CDKL3: variants seen among roughly 807,000 people sequenced by gnomAD.
The protein encoded by CDKL3 is cyclin-dependent kinase-like 3.
Under a neutral mutation model 69.3 loss-of-function variants are expected in CDKL3, and 65 were observed. The observed-to-expected ratio is 0.94, with a 90% CI of 0.77 to 1.15. The LOEUF (loss-of-function observed/expected upper bound fraction) is 1.15, where lower values mean the gene tolerates loss of function less well. Ranked by LOEUF, CDKL3 falls within the 50% of genes most tolerant of loss-of-function variation. The pLI, the probability that CDKL3 is intolerant of heterozygous loss-of-function variation, is 0.00. For synonymous variants in CDKL3, 202 were observed against 221.6 expected, an observed-to-expected ratio of 0.91 and a Z score of 0.79; for missense variants, 652 against 689.2, an observed-to-expected ratio of 0.95 and a Z score of 0.61.
intron 5 of CDKL3, among the ~76,000 whole-genome samples, chr5:134,321,005 CTTTT>C (rs1047803739): frequency 8.1e-6 from 1 of 123,576 alleles, no homozygotes; most frequent in Non-Finnish European, 1.7e-5. Flanking sequence ...CAAACATATT[CTTTT>C]TTTTTTTTTT....
chr5:134,363,726 G>A lies in CDKL3; in HGVS notation c.165+2633C>T, dbSNP rs547360233. Among the ~76,000 whole-genome samples, 4 of 152,042 alleles carry A rather than the reference G, an allele frequency of 2.6e-5. No individual in the cohort carries two copies. The South Asian group carries it at 8.3e-4, about 32-fold the overall frequency. On this transcript the variant is annotated intron_variant, in intron 2 of 12. Transcript: ENST00000265334. ...TCCGCCCGCCTCGGCCTCCCAAAGTGCTAGGATTACTGGCGTGAACCACCG... is the reference window on the plus strand; with the variant it reads ...TCCGCCCGCCTCGGCCTCCCAAAGTACTAGGATTACTGGCGTGAACCACCG...
intron 3 of CDKL3, among the ~76,000 whole-genome samples, chr5:134,355,083 T>C (rs944223769): frequency 1.3e-5 from 2 of 148,176 alleles, no homozygotes; most frequent in Admixed American, 6.9e-5. Context: ...GGTGAGACCT[T>C]GGCACTACTA....
At chr5:134,368,021 G>A (rs370876823), upstream of CDKL3, among the ~76,000 whole-genome samples, 5 of 152,148 alleles carry the variant, frequency 3.3e-5, no homozygotes, top group South Asian at 2.1e-4. Context: ...GTAAAAAAGC[G>A]AAATCTCGCT....
At chr5:134,299,586 C>T (rs1765817679) in intron 12 of CDKL3, 4 of 1,345,786 alleles carry the variant, frequency 3.0e-6, no homozygotes, top group Non-Finnish European at 3.9e-6. Flanking sequence ...TTACGATATA[C>T]CTGTAAAATT....
chr5:134,286,039 T>C (rs1764844904), downstream of CDKL3, among the ~76,000 whole-genome samples: 2 of 152,198 alleles, frequency 1.3e-5, no homozygotes, highest in African/African-American at 4.8e-5. Context: ...GGAGAATCAC[T>C]TGAACCCAGT....
At chr5:134,340,091 C>T (rs973651413) in intron 4 of CDKL3, among the ~76,000 whole-genome samples, 27 of 152,022 alleles carry the variant, frequency 1.8e-4, no homozygotes, top group African/African-American at 6.3e-4. Flanking sequence ...GAAGTCAAGG[C>T]TGCAGTGATC....
chr5:134,359,122 C>T (rs1216806645), intron 3 of CDKL3, among the ~76,000 whole-genome samples: 2 of 151,986 alleles, frequency 1.3e-5, no homozygotes, highest in Non-Finnish European at 2.9e-5. Flanking sequence ...CCCATCTCTA[C>T]AAAATATTGG....
chr5:134,303,281 T>C (rs1218104681), intron 11 of CDKL3, among the ~76,000 whole-genome samples: 3 of 152,118 alleles, frequency 2.0e-5, no homozygotes, highest in Admixed American at 2.0e-4. Context: ...TTTGCCATAT[T>C]GGCCAGGGTG....
In CDKL3 at chr5:134,315,061, A is replaced by G. The variant is rs1452914415; in HGVS notation, c.793-2681T>C. On this transcript the variant is annotated intron_variant, in intron 6 of 12. Transcript: ENST00000265334. ...AAATATGTGCCCTACATCAGATATCAAAGTGTATTTTAAAGTTACAATAAT... is the reference window on the plus strand; with the variant it reads ...AAATATGTGCCCTACATCAGATATCGAAGTGTATTTTAAAGTTACAATAAT... 3.9e-5 allele frequency among the ~76,000 whole-genome samples: 6 copies of G among 152,212 alleles called. No individual in the cohort carries two copies. The South Asian group carries it at 1.2e-3, about 31-fold the overall frequency.
chr5:134,283,456 T>C (rs956476963), downstream of CDKL3, among the ~76,000 whole-genome samples: 8 of 152,128 alleles, frequency 5.3e-5, no homozygotes, highest in Admixed American at 3.3e-4. Context: ...GATGGCAGCA[T>C]GCAAAGAGAG....
chr5:134,331,747 G>C (rs1775862648), intron 4 of CDKL3, among the ~76,000 whole-genome samples: 1 of 152,146 alleles, frequency 6.6e-6, no homozygotes, highest in South Asian at 2.1e-4. Flanking sequence ...ATTGTGAATA[G>C]TGCCACAATA....
chr5:134,318,739 C>T (rs1413921756), intron 6 of CDKL3, among the ~76,000 whole-genome samples: 2 of 152,012 alleles, frequency 1.3e-5, no homozygotes, highest in African/African-American at 2.4e-5. Context: ...CCCGTCTCGG[C>T]GTCCCAAAGT....
chr5:134,298,450 T>C lies in CDKL3; in HGVS notation c.*201A>G, dbSNP rs1421470900. 7.4e-7 allele frequency: 1 copy of C among 1,344,104 alleles called. No homozygotes were observed. Among genetic ancestry groups the C allele is most frequent in the African/African-American group, 1.5e-5 (1 of 67,254 alleles). 83.3% of individuals were successfully genotyped at this position (1,344,104 alleles called of 1,614,324 possible). On this transcript the variant is annotated 3_prime_UTR_variant, in exon 13 of 13. Coordinates refer to ENST00000265334, the MANE Select transcript of CDKL3 (RefSeq NM_001113575.2). ...AGGCAGAGAAGAGATGACTTTATAA[T>C]TCCAAATCAAATTATCACATCAACA...
At chr5:134,346,650 C>T (rs1486832864) in intron 4 of CDKL3, among the ~76,000 whole-genome samples, 3 of 152,112 alleles carry the variant, frequency 2.0e-5, no homozygotes, top group African/African-American at 7.2e-5. Context: ...GCATGCACCA[C>T]CACGCCTGGC....
intron 4 of CDKL3, among the ~76,000 whole-genome samples, chr5:134,323,273 A>T (rs187116077): frequency 6.6e-6 from 1 of 152,350 alleles, no homozygotes; most frequent in Admixed American, 6.5e-5. Flanking sequence ...GTCATTTCAC[A>T]ACGTATATAT....
intron 9 of CDKL3, among the ~76,000 whole-genome samples, chr5:134,307,051 G>A (rs937427485): frequency 5.3e-5 from 8 of 152,048 alleles, no homozygotes; most frequent in African/African-American, 1.7e-4. Flanking sequence ...CACCATGCCC[G>A]GCCGAAATGC....
chr5:134,346,121 A>G (rs1751806147), intron 4 of CDKL3, among the ~76,000 whole-genome samples: 1 of 152,186 alleles, frequency 6.6e-6, no homozygotes, highest in African/African-American at 2.4e-5. Context: ...CATAAAACAT[A>G]GAATGGTCAC....
Position 134,321,904 on chromosome 5 carries a change from C to T in CDKL3, c.540-1G>A. On this transcript the variant is annotated splice_acceptor_variant, in intron 4 of 12. Coordinates refer to ENST00000265334, the MANE Select transcript of CDKL3 (RefSeq NM_001113575.2). LOFTEE classifies it high-confidence loss of function. ...GCCCAAAGCCCAGATATCCACAGGT[C>T]TGAAACAGATCAGGGAAAAAAAAAT... 1 of 1,528,130 alleles carries T rather than the reference C, an allele frequency of 6.5e-7. No homozygotes were observed. The highest frequency in any genetic ancestry group is 9.0e-7 in the Non-Finnish European group (1 of 1,114,280). 94.7% of individuals were successfully genotyped at this position (1,528,130 alleles called of 1,614,324 possible).
At chr5:134,368,916 G>A (rs1341086708), upstream of CDKL3, among the ~76,000 whole-genome samples, 1 of 152,126 alleles carries the variant, frequency 6.6e-6, no homozygotes, top group Non-Finnish European at 1.5e-5. Flanking sequence ...TGTGGTCCCA[G>A]CTACTTGGGC....
Sources: gnomAD v4.1 joint callset for allele counts (sites outside exome capture counted in the v4.1 genomes callset) on GRCh38, gnomAD v4.1.1 for gene constraint, MANE v1.5 for transcripts, NCBI Gene and HGNC (gene_info 2026-07-23, HGNC 2026-07-21) for gene names.